The following SPATA13 variants were observed in gnomAD, a reference collection of about 807,000 sequenced individuals.
SPATA13 encodes the protein spermatogenesis associated 13.
In SPATA13, 50 loss-of-function variants were observed where a neutral mutation model predicts 104.0. The ratio of observed to expected loss-of-function variants is 0.48; its 90% confidence interval spans 0.38 to 0.61. The LOEUF is 0.61. Ranked by LOEUF, SPATA13 falls within the 20% of genes least tolerant of loss-of-function variation. The pLI is 0.00. For synonymous variants in SPATA13, 606 were observed against 667.5 expected (o/e 0.91, Z 1.42); for missense variants, 1,524 against 1,690.6 (o/e 0.90, Z 1.73).
At chr13:24,204,227 G>A (rs1013861040) in intron 1 of SPATA13, among the ~76,000 whole-genome samples, 3 of 152,090 alleles carry the variant, frequency 2.0e-5, no homozygotes, top group Non-Finnish European at 4.4e-5. Flanking sequence ...TCTCACTGCC[G>A]TCCTCCAGAG....
chr13:24,065,597 C>T (rs559142949), intron 3 of SPATA13, among the ~76,000 whole-genome samples: 2 of 44,126 alleles, frequency 4.5e-5, no homozygotes, highest in Non-Finnish European at 1.2e-4. Flanking sequence ...AAAATATAAG[C>T]TCCTCACAAG....
chr13:23,988,136 G>T (rs957866211), intron 2 of SPATA13, among the ~76,000 whole-genome samples: 6 of 151,964 alleles, frequency 3.9e-5, no homozygotes, highest in Non-Finnish European at 7.4e-5. Context: ...GTAGAGACGG[G>T]GTTTCACTGT....
intron 3 of SPATA13, among the ~76,000 whole-genome samples, chr13:24,079,153 C>T (rs746002497): frequency 2.0e-5 from 3 of 152,052 alleles, no homozygotes; most frequent in East Asian, 1.9e-4. Flanking sequence ...GGGAGGGCAG[C>T]GGGTGCCTAG....
At chr13:24,050,482 C>T (rs1303181733) in intron 3 of SPATA13, among the ~76,000 whole-genome samples, 2 of 152,026 alleles carry the variant, frequency 1.3e-5, no homozygotes, top group Non-Finnish European at 2.9e-5. Flanking sequence ...GATTCGAGAC[C>T]CAGGAGCCAT....
At chr13:24,220,638 C>T (rs1011851432) in intron 1 of SPATA13, among the ~76,000 whole-genome samples, 5 of 152,354 alleles carry the variant, frequency 3.3e-5, no homozygotes, top group African/African-American at 1.2e-4. Flanking sequence ...ATGTAACCCC[C>T]AGCTCCTCTG....
intron 2 of SPATA13, among the ~76,000 whole-genome samples, chr13:24,243,346 G>T (rs981749655): frequency 6.6e-6 from 1 of 152,150 alleles, no homozygotes; most frequent in African/African-American, 2.4e-5. Flanking sequence ...AGATTGCCCA[G>T]GGCACAGGTT....
At chr13:24,288,008 A>C (rs867692612) in intron 7 of SPATA13, among the ~76,000 whole-genome samples, 2 of 152,202 alleles carry the variant, frequency 1.3e-5, no homozygotes. Flanking sequence ...TGGACATGCC[A>C]GTGTTTAGCT....
chr13:24,290,055 G>C (rs967862416), intron 8 of SPATA13, among the ~76,000 whole-genome samples: 50 of 152,314 alleles, frequency 3.3e-4, no homozygotes, highest in African/African-American at 1.1e-3. Context: ...TGTGCAGAAG[G>C]TTCCTGCAGG....
chr13:24,143,556 A>T (rs1008752890), intron 3 of SPATA13, among the ~76,000 whole-genome samples: 2 of 152,240 alleles, frequency 1.3e-5, no homozygotes, highest in Non-Finnish European at 2.9e-5. Context: ...GTGTTTTCTA[A>T]CTTAAAAAGT....
In SPATA13 at chr13:24,197,654, G is replaced by A. The variant is rs184516897; in HGVS notation, c.-111-25165G>A. Among the ~76,000 whole-genome samples, 298 of 152,308 alleles carry A rather than the reference G, an allele frequency of 2.0e-3. 1 individual carries two copies. The highest frequency in any genetic ancestry group is 3.0e-3 in the Non-Finnish European group (202 of 68,032). On this transcript the variant is annotated intron_variant, in intron 1 of 12. Transcript: ENST00000382108. Reference sequence around the variant, plus strand: ...TACCTCTAATTAGTAGTAAATAGCAGGTCAAAATAAAGTACGTCCTAGAGA... The same window carrying A: ...TACCTCTAATTAGTAGTAAATAGCAAGTCAAAATAAAGTACGTCCTAGAGA...
chr13:24,266,153 A>T (rs1053755772), intron 4 of SPATA13, among the ~76,000 whole-genome samples: 2 of 152,200 alleles, frequency 1.3e-5, no homozygotes, highest in African/African-American at 4.8e-5. Context: ...CAAGAATTTT[A>T]TGACATTTCT....
At chr13:24,048,530 C>A (rs1878225834) in intron 3 of SPATA13, among the ~76,000 whole-genome samples, 1 of 151,940 alleles carries the variant, frequency 6.6e-6, no homozygotes, top group Non-Finnish European at 1.5e-5. Context: ...AAATTTACAT[C>A]CTACAAATAT....
At chr13:24,040,650 TGAG>T (rs1877887595) in intron 3 of SPATA13, among the ~76,000 whole-genome samples, 1 of 152,098 alleles carries the variant, frequency 6.6e-6, no homozygotes, top group Admixed American at 6.6e-5. Context: ...TCAGTTTTAA[TGAG>T]GAGAAATGAC....
intron 4 of SPATA13, among the ~76,000 whole-genome samples, chr13:24,282,702 G>A (rs1875634166): frequency 6.6e-6 from 1 of 152,188 alleles, no homozygotes; most frequent in African/African-American, 2.4e-5. Context: ...CATTAGCCCA[G>A]CCCTCATCGT....
At chr13:24,145,005 A>G (rs1011765732) in intron 3 of SPATA13, among the ~76,000 whole-genome samples, 3 of 152,182 alleles carry the variant, frequency 2.0e-5, no homozygotes, top group African/African-American at 7.2e-5. Flanking sequence ...GGTAGTGATA[A>G]GGTGGGAGGC....
chr13:24,141,335 A>ATAAT (rs535830305), intron 3 of SPATA13, among the ~76,000 whole-genome samples: 2 of 152,104 alleles, frequency 1.3e-5, no homozygotes, highest in African/African-American at 2.4e-5. Context: ...AACCCTACAG[A>ATAAT]TAATTAATTA....
Position 24,092,591 on chromosome 13 carries a change from G to A in SPATA13, c.-112+74890G>A, listed in dbSNP as rs9551057. On this transcript the variant is annotated intron_variant, in intron 3 of 14. Coordinates refer to the SPATA13 transcript ENST00000424834. The stretch of plus-strand genomic sequence containing the variant: ...AAGAGTACTCAAAGGCAATCAGAAA[G>A]CCCATTTTAGGGTCTCTTAGAGATG... Among the ~76,000 whole-genome samples, 895 of 152,240 alleles carry A rather than the reference G, an allele frequency of 5.9e-3. 21 individuals are homozygous for A. In the South Asian group the frequency reaches 0.073, roughly 12 times the overall value.
At chr13:24,185,836 T>C (rs1265608953) in intron 1 of SPATA13, among the ~76,000 whole-genome samples, 1 of 142,826 alleles carries the variant, frequency 7.0e-6, no homozygotes, top group Non-Finnish European at 1.6e-5. Context: ...GAGAGAGAGA[T>C]TAAGGAATTG....
At chr13:24,143,486 T>C (rs1305855091) in intron 3 of SPATA13, among the ~76,000 whole-genome samples, 1 of 152,210 alleles carries the variant, frequency 6.6e-6, no homozygotes, top group Non-Finnish European at 1.5e-5. Context: ...ATATTTTGGA[T>C]AAATTGATAG....
Sources: gnomAD v4.1 joint callset for allele counts (sites outside exome capture counted in the v4.1 genomes callset) on GRCh38, gnomAD v4.1.1 for gene constraint, MANE v1.5 for transcripts, NCBI Gene and HGNC (gene_info 2026-07-23, HGNC 2026-07-21) for gene names.